MSH4: variants seen among roughly 807,000 people sequenced by gnomAD.
The protein encoded by MSH4 is mutS protein homolog 4.
Under a neutral mutation model 113.7 loss-of-function variants are expected in MSH4, and 106 were observed. The observed-to-expected ratio is 0.93, with a 90% CI of 0.80 to 1.10. MSH4 has a LOEUF of 1.10. Among genes scored for constraint, MSH4 ranks in the 50% least tolerant of loss-of-function variants. The pLI, the probability that MSH4 is intolerant of heterozygous loss-of-function variation, is 0.00. For missense variants in MSH4, 1,061 were observed against 1,093.7 expected (o/e 0.97, Z 0.42); for synonymous variants, 368 against 380.2 (o/e 0.97, Z 0.37).
intron 18 of MSH4, among the ~76,000 whole-genome samples, chr1:75,898,713 C>G (rs1652438674): frequency 2.0e-5 from 3 of 151,928 alleles, no homozygotes. Flanking sequence ...TAGATACTTT[C>G]TATTTAAATC....
At chr1:75,902,278 G>A (rs1652521848) in intron 19 of MSH4, among the ~76,000 whole-genome samples, 1 of 151,962 alleles carries the variant, frequency 6.6e-6, no homozygotes, top group Non-Finnish European at 1.5e-5. Context: ...GCATACTGCT[G>A]TGAGTTGGGC....
At position 75,815,101 on chromosome 1, in the gene MSH4, A is replaced by G; in HGVS notation, c.780A>G (p.Ala260=). 1 of 1,603,724 alleles carries G rather than the reference A, an allele frequency of 6.2e-7. No homozygotes were observed. The highest frequency in any genetic ancestry group is 8.5e-7 in the Non-Finnish European group (1 of 1,175,418). ...GLEYIEQLCI[A]EFSTVLMEVQ... ...AGTACATTGAACAGTTATGCATAGCAGAATTCAGCACTGTCCTAATGGAGG... is the reference window on the plus strand; with the variant it reads ...AGTACATTGAACAGTTATGCATAGCGGAATTCAGCACTGTCCTAATGGAGG... The change falls in exon 5 of 20, where the codon GCA becomes GCG. Residue 260 remains alanine, a synonymous_variant. Transcript: ENST00000263187.
At chr1:75,816,583 G>A (rs1368988711) in intron 6 of MSH4, 37 bp downstream of exon 6, 16 of 1,183,288 alleles carry the variant, frequency 1.4e-5, no homozygotes, top group Non-Finnish European at 1.7e-5. Flanking sequence ...AAATATATCG[G>A]TATATATATA....
intron 14 of MSH4, among the ~76,000 whole-genome samples, chr1:75,883,103 C>CA (rs1460771006): frequency 6.6e-6 from 1 of 151,630 alleles, no homozygotes; most frequent in South Asian, 2.1e-4. Context: ...CTCCCAGGCT[C>CA]AAGAGATCCT....
intron 15 of MSH4, among the ~76,000 whole-genome samples, chr1:75,886,622 A>AATGTATTATATATTATATAATGTAT (rs1652124102): frequency 9.0e-5 from 6 of 66,500 alleles, no homozygotes; most frequent in South Asian, 7.3e-4. Context: ...TATAATATAT[A>AATGTATTATATATTATATAATGTAT]AATATATAAA....
intron 8 of MSH4, among the ~76,000 whole-genome samples, chr1:75,849,005 C>G (rs1047497333): frequency 6.6e-6 from 1 of 152,084 alleles, no homozygotes; most frequent in Non-Finnish European, 1.5e-5. Context: ...GATTTTGGCT[C>G]ACTGCAACCT....
chr1:75,906,673 T>G (rs1012851459), intron 19 of MSH4, among the ~76,000 whole-genome samples: 3 of 142,752 alleles, frequency 2.1e-5, no homozygotes, highest in African/African-American at 7.9e-5. Flanking sequence ...GTTTTGACCA[T>G]AGAGAGAAGA....
At chr1:75,847,030 C>T (rs930008020) in intron 7 of MSH4, among the ~76,000 whole-genome samples, 1 of 152,086 alleles carries the variant, frequency 6.6e-6, no homozygotes, top group African/African-American at 2.4e-5. Context: ...CTGGTGAGGG[C>T]CTTCCTGCTG....
Position 75,829,916 on chromosome 1 carries a change from C to T in MSH4, c.1162+7335C>T, listed in dbSNP as rs181305861. On this transcript the variant is annotated intron_variant, in intron 7 of 19. Transcript: ENST00000263187. ...AAGGAACGCAGCTCCTTGCCAGCAA[C>T]GGAACAAAGCTGGAAGGAGAATGAC... Among the ~76,000 whole-genome samples the T allele has an allele frequency of 1.4e-3, 213 of 152,120 alleles. 1 individual carries two copies. Among genetic ancestry groups the T allele is most frequent in the African/African-American group, 3.1e-3 (127 of 41,472 alleles).
At chr1:75,885,427 T>A (rs1652053734) in intron 15 of MSH4, among the ~76,000 whole-genome samples, 1 of 102,878 alleles carries the variant, frequency 9.7e-6, no homozygotes, top group Non-Finnish European at 1.9e-5. Flanking sequence ...TCAGTTGGTA[T>A]CCTGAGTGTG....
Position 75,883,652 on chromosome 1 carries a change from C to A in MSH4, c.1938C>A (p.Ile646=). Residue 646 remains isoleucine, a synonymous_variant, in exon 15 of 20, where the codon ATC becomes ATA. Coordinates refer to ENST00000263187, the MANE Select transcript of MSH4 (RefSeq NM_002440.4). ...CAGAATTTACTGATACTTTAGCAAT[C>A]AAACAGGGATGGCATCCTATTCTTG... ...VRPEFTDTLA[I]KQGWHPILEK... is the part of the protein sequence containing the mutation. The A allele has an allele frequency of 1.2e-6, 2 of 1,612,826 alleles. No homozygotes were observed. The highest frequency in any genetic ancestry group is 1.7e-6 in the Non-Finnish European group (2 of 1,179,498).
At position 75,797,116 on chromosome 1, in the gene MSH4, C is replaced by T. The variant is rs766799660; in HGVS notation, c.131C>T (p.Ser44Leu). Reference sequence around the variant, plus strand: ...CAGGAGACTCCACAGAGCCGCCCTTCGGTCCAGGTGGTCTCTGCATCCACC... The same window carrying T: ...CAGGAGACTCCACAGAGCCGCCCTTTGGTCCAGGTGGTCTCTGCATCCACC... ...GLQETPQSRP[S>L]VQVVSASTCP... is the part of the protein sequence containing the mutation. Residue 44 changes from serine to leucine, a missense_variant, in exon 1 of 20, where the codon TCG becomes TTG. By Grantham distance (145) the Ser-to-Leu change is moderately radical. Coordinates refer to ENST00000263187, the MANE Select transcript of MSH4 (RefSeq NM_002440.4). 7.4e-6 allele frequency: 12 copies of T among 1,613,872 alleles called. No homozygotes were observed. The highest frequency in any genetic ancestry group is 1.3e-5 in the African/African-American group (1 of 74,936).
intron 19 of MSH4, among the ~76,000 whole-genome samples, chr1:75,901,585 T>C (rs1485092881): frequency 6.6e-6 from 1 of 152,176 alleles, no homozygotes; most frequent in Non-Finnish European, 1.5e-5. Flanking sequence ...TTGATCCATA[T>C]CTTGGCTATT....
At chr1:75,885,337 GTGTGTA>G (rs1381121551) in intron 15 of MSH4, among the ~76,000 whole-genome samples, 19 of 134,994 alleles carry the variant, frequency 1.4e-4, no homozygotes, top group Middle Eastern at 7.5e-3. Flanking sequence ...GTGTGTGTGT[GTGTGTA>G]TATATATATA....
At chr1:75,898,117 T>C in intron 18 of MSH4, 36 bp downstream of exon 18, 2 of 1,344,184 alleles carry the variant, frequency 1.5e-6, no homozygotes, top group Non-Finnish European at 2.0e-6. Context: ...TACATTCAAA[T>C]ACTATATATT....
intron 7 of MSH4, among the ~76,000 whole-genome samples, chr1:75,831,264 A>T (rs544868332): frequency 5.9e-5 from 9 of 152,184 alleles, no homozygotes; most frequent in Admixed American, 3.9e-4. Flanking sequence ...ATGCACCCAA[A>T]ACAGGAGCAC....
At chr1:75,836,302 C>CTT (rs71071968) in intron 7 of MSH4, among the ~76,000 whole-genome samples, 103,543 of 135,744 alleles carry the variant, frequency 0.76, 39,908 homozygotes, top group South Asian at 0.88. Flanking sequence ...CTTTCTTTTT[C>CTT]TTTTTTTTTT....
chr1:75,814,874 A>G (rs1650263797), intron 4 of MSH4, 147 bp from the exon 5 acceptor site: 4 of 601,308 alleles, frequency 6.7e-6, no homozygotes, highest in Admixed American at 3.6e-5. Context: ...CATTCTTTTT[A>G]TAGAAATAAC....
intron 14 of MSH4, 73 bp downstream of exon 14, chr1:75,881,443 A>G: frequency 6.8e-7 from 1 of 1,476,328 alleles, no homozygotes; most frequent in Non-Finnish European, 9.2e-7. Flanking sequence ...TTGATATAAT[A>G]GTTATGACAT....
Sources: gnomAD v4.1 joint callset for allele counts (sites outside exome capture counted in the v4.1 genomes callset) on GRCh38, gnomAD v4.1.1 for gene constraint, MANE v1.5 for transcripts, NCBI Gene and HGNC (gene_info 2026-07-23, HGNC 2026-07-21) for gene names.